Variants in LRRC4C observed in about 807,000 individuals in gnomAD.
LRRC4C encodes leucine rich repeat containing 4C.
LRRC4C carries 5 observed loss-of-function variants against 33.6 expected under a neutral mutation model. The observed-to-expected ratio is 0.15, with a 90% CI of 0.08 to 0.31. LRRC4C has a LOEUF of 0.31. LRRC4C is among the 10% of genes least tolerant of loss of function. The probability of loss-of-function intolerance (pLI) is 1.00; values close to 1 mark genes in which losing one functional copy is unlikely to be tolerated. For missense variants in LRRC4C, 560 were observed against 796.7 expected (o/e 0.70, Z 3.58); for synonymous variants, 329 against 302.0 (o/e 1.09, Z -0.93).
Position 41,367,006 on chromosome 11 carries a change from C to A in LRRC4C, c.-496+92425G>T, listed in dbSNP as rs1484444526. Among the ~76,000 whole-genome samples the A allele has an allele frequency of 2.6e-5, 4 of 152,234 alleles. No individual in the cohort carries two copies. The East Asian group carries it at 7.7e-4, about 29-fold the overall frequency. ...ATGAGTTATTTTACTTGATAATTTG[C>A]AAGAGCCGGAAGCAGAATTTGAACC... On this transcript the variant is annotated intron_variant, in intron 1 of 6. Coordinates refer to ENST00000528697, the MANE Select transcript of LRRC4C (RefSeq NM_001258419.2).
chr11:41,183,690 G>A (rs1378897825), intron 1 of LRRC4C, among the ~76,000 whole-genome samples: 2 of 152,194 alleles, frequency 1.3e-5, no homozygotes, highest in Admixed American at 6.5e-5. Flanking sequence ...CCATTCTGGG[G>A]TTTGGAGGAC....
intron 1 of LRRC4C, among the ~76,000 whole-genome samples, chr11:40,965,609 C>T (rs1851296833): frequency 6.6e-6 from 1 of 152,094 alleles, no homozygotes; most frequent in Non-Finnish European, 1.5e-5. Flanking sequence ...TTCCCAGCAC[C>T]ATTTATTAAA....
At chr11:41,078,167 T>C (rs1020602057) in intron 1 of LRRC4C, among the ~76,000 whole-genome samples, 2 of 152,218 alleles carry the variant, frequency 1.3e-5, no homozygotes, top group Non-Finnish European at 2.9e-5. Flanking sequence ...AACAAGTCTC[T>C]AGGAAGTTCC....
intron 1 of LRRC4C, among the ~76,000 whole-genome samples, chr11:41,149,412 C>CGGATCACGAGGTA (rs1943885207): frequency 6.8e-6 from 1 of 147,598 alleles, no homozygotes; most frequent in Non-Finnish European, 1.5e-5. Flanking sequence ...GAGGCTGAGG[C>CGGATCACGAGGTA]AGGAGAATGG....
intron 5 of LRRC4C, among the ~76,000 whole-genome samples, chr11:40,146,347 A>C (rs988267647): frequency 2.0e-5 from 3 of 152,204 alleles, no homozygotes; most frequent in Non-Finnish European, 4.4e-5. Context: ...GTCATTTTCA[A>C]AATATACACC....
In LRRC4C at chr11:40,827,816, A is replaced by T. The variant is rs1006512496; in HGVS notation, c.-407+105819T>A. 2.6e-5 allele frequency among the ~76,000 whole-genome samples: 4 copies of T among 151,828 alleles called. No individual in the cohort carries two copies. The Admixed American group carries it at 2.6e-4, about 10-fold the overall frequency. On this transcript the variant is annotated intron_variant, in intron 2 of 6. Transcript: ENST00000528697. ...GATGGCAAATTGTATAGGATTTTACATATTTCATCTATCAAGTGAATAAAG... is the reference window on the plus strand; with the variant it reads ...GATGGCAAATTGTATAGGATTTTACTTATTTCATCTATCAAGTGAATAAAG...
intron 1 of LRRC4C, 71 bp downstream of exon 1, chr11:41,459,360 C>T (rs1021611428): frequency 1.9e-4 from 29 of 151,968 alleles, no homozygotes; most frequent in African/African-American, 6.5e-4. Context: ...TATACATTTC[C>T]GAAAACAAGC....
intron 2 of LRRC4C, among the ~76,000 whole-genome samples, chr11:40,820,245 T>C (rs1951876437): frequency 6.6e-6 from 1 of 151,978 alleles, no homozygotes; most frequent in Admixed American, 6.6e-5. Context: ...AAATATTGTC[T>C]AAGAAGTGGA....
intron 1 of LRRC4C, among the ~76,000 whole-genome samples, chr11:41,448,295 T>C (rs1347750261): frequency 1.4e-5 from 2 of 147,240 alleles, no homozygotes; most frequent in African/African-American, 5.0e-5. Context: ...AATTAACATT[T>C]ACATAGAGCT....
intron 2 of LRRC4C, among the ~76,000 whole-genome samples, chr11:40,753,111 T>C (rs1948778248): frequency 6.6e-6 from 1 of 151,816 alleles, no homozygotes; most frequent in South Asian, 2.1e-4. Context: ...GAATAGAATA[T>C]TATATATATA....
intron 3 of LRRC4C, among the ~76,000 whole-genome samples, chr11:40,368,288 C>T (rs1343205975): frequency 1.3e-5 from 2 of 152,068 alleles, no homozygotes. Flanking sequence ...TCAGTGGAGC[C>T]TTGAAAGGTA....
intron 2 of LRRC4C, among the ~76,000 whole-genome samples, chr11:40,850,821 T>C (rs1953448359): frequency 1.3e-5 from 2 of 152,228 alleles, no homozygotes; most frequent in African/African-American, 4.8e-5. Context: ...TTCAGAGATG[T>C]CCTGCCAGAG....
intron 1 of LRRC4C, among the ~76,000 whole-genome samples, chr11:40,955,069 G>T (rs1436857969): frequency 6.6e-6 from 1 of 151,780 alleles, no homozygotes; most frequent in Non-Finnish European, 1.5e-5. Flanking sequence ...CAGAACAAGG[G>T]CTTGGTAGAA....
At chr11:41,419,217 G>A (rs1954791671) in intron 1 of LRRC4C, among the ~76,000 whole-genome samples, 1 of 151,684 alleles carries the variant, frequency 6.6e-6, no homozygotes, top group African/African-American at 2.4e-5. Context: ...ACCTTCTAAG[G>A]GACACTGACC....
chr11:40,308,982 A>G (rs1436989185), intron 4 of LRRC4C, among the ~76,000 whole-genome samples: 1 of 152,170 alleles, frequency 6.6e-6, no homozygotes, highest in East Asian at 1.9e-4. Context: ...GGTATTCTCA[A>G]AGAAGTATGG....
intron 3 of LRRC4C, chr11:40,446,867 C>T (rs1951660524): frequency 1.3e-5 from 2 of 152,168 alleles, no homozygotes; most frequent in African/African-American, 4.8e-5. Flanking sequence ...CAATTACCTC[C>T]AACTGGTCCC....
At chr11:40,126,366 T>A (rs17469381) in intron 6 of LRRC4C, among the ~76,000 whole-genome samples, 9,431 of 152,182 alleles carry the variant, frequency 0.062, 427 homozygotes, top group Non-Finnish European at 0.091. Flanking sequence ...TTAGGTGAGA[T>A]GTTCTGACTA....
chr11:40,689,580 T>C (rs1357919547), intron 2 of LRRC4C, among the ~76,000 whole-genome samples: 1 of 152,106 alleles, frequency 6.6e-6, no homozygotes, highest in Non-Finnish European at 1.5e-5. Context: ...ATTTATCCAT[T>C]TTCCGAAAGA....
At chr11:40,675,714 A>G (rs1350768330) in intron 2 of LRRC4C, among the ~76,000 whole-genome samples, 3 of 152,196 alleles carry the variant, frequency 2.0e-5, no homozygotes, top group African/African-American at 7.2e-5. Flanking sequence ...CTCAACAACT[A>G]TTTACAGAAT....
Sources: allele counts gnomAD v4.1 joint callset (sites outside exome capture counted in the v4.1 genomes callset), GRCh38; gene constraint gnomAD v4.1.1; transcripts MANE v1.5; gene names NCBI Gene and HGNC (gene_info 2026-07-23, HGNC 2026-07-21).